Variants in NRXN3 observed in about 807,000 individuals in gnomAD.
NRXN3 encodes the protein neurexin 3.
Under a neutral mutation model 137.6 loss-of-function variants are expected in NRXN3, and 32 were observed. That is an observed-to-expected ratio of 0.23 (90% CI 0.18 to 0.31). The LOEUF (loss-of-function observed/expected upper bound fraction) is 0.31, where lower values mean the gene tolerates loss of function less well. Ranked by LOEUF, NRXN3 falls within the 10% of genes least tolerant of loss-of-function variation. NRXN3 has a pLI of 1.00. For missense variants in NRXN3, 1,574 were observed against 2,062.5 expected, an observed-to-expected ratio of 0.76 and a Z score of 4.59; for synonymous variants, 798 against 784.5, an observed-to-expected ratio of 1.02 and a Z score of -0.29.
chr14:79,762,472 T>G (rs1011415353), intron 19 of NRXN3, among the ~76,000 whole-genome samples: 1 of 151,660 alleles, frequency 6.6e-6, no homozygotes, highest in African/African-American at 2.4e-5. Flanking sequence ...CTTCACTTTT[T>G]TTTTTTCAAT....
Position 78,226,192 on chromosome 14 carries a change from A to T in NRXN3, c.-703-16199A>T, listed in dbSNP as rs150112401. 1.9e-3 allele frequency among the ~76,000 whole-genome samples: 282 copies of T among 152,162 alleles called. 1 individual carries two copies. Among genetic ancestry groups the T allele is most frequent in the African/African-American group, 6.6e-3 (272 of 41,492 alleles). On this transcript the variant is annotated intron_variant, in intron 1 of 20. Transcript: ENST00000335750. ...CTAATTTTTTGTATTTTTAGTAGAG[A>T]TGTGGTTTTACCACGTTAGCCAGGA...
chr14:79,853,770 A>G (rs2099396754), intron 20 of NRXN3: 3 of 1,032,832 alleles, frequency 2.9e-6, no homozygotes, highest in Non-Finnish European at 3.5e-6. Flanking sequence ...TGTCAAAAAG[A>G]CAAAAAAATA....
chr14:79,534,893 C>T (rs1390364867), intron 16 of NRXN3, among the ~76,000 whole-genome samples: 2 of 152,150 alleles, frequency 1.3e-5, no homozygotes, highest in Admixed American at 6.6e-5. Flanking sequence ...GCTGCGCATG[C>T]GTCACACCAT....
chr14:79,740,120 G>A (rs2098955932), intron 19 of NRXN3, among the ~76,000 whole-genome samples: 1 of 152,082 alleles, frequency 6.6e-6, no homozygotes, highest in Non-Finnish European at 1.5e-5. Context: ...TAGCCCCTGA[G>A]CTGAAACCTT....
rs575493357 is a variant in NRXN3 at position 79,024,482 on chromosome 14, A to G, written c.3262+36341A>G. Among the ~76,000 whole-genome samples, 39 of 152,324 alleles carry G rather than the reference A, an allele frequency of 2.6e-4. No individual in the cohort carries two copies. The South Asian group carries it at 7.7e-3, about 30-fold the overall frequency. On this transcript the variant is annotated intron_variant, in intron 15 of 20. Coordinates refer to ENST00000335750, the MANE Select transcript of NRXN3 (RefSeq NM_001330195.2). ...ACATATTCCATACCATGATCCTTAAAGAATACATGCACACACAGAACAGTG... is the reference window on the plus strand; with the variant it reads ...ACATATTCCATACCATGATCCTTAAGGAATACATGCACACACAGAACAGTG...
chr14:78,237,471 T>C (rs1181998196), intron 1 of NRXN3, among the ~76,000 whole-genome samples: 1 of 152,222 alleles, frequency 6.6e-6, no homozygotes, highest in African/African-American at 2.4e-5. Context: ...TCCTCTCCAA[T>C]GGTGGAGATG....
intron 15 of NRXN3, among the ~76,000 whole-genome samples, chr14:79,088,348 A>G (rs1256646840): frequency 1.3e-5 from 2 of 149,464 alleles, no homozygotes; most frequent in Non-Finnish European, 2.9e-5. Flanking sequence ...ACCTCCTGCT[A>G]AAGGTGGTAA....
At position 79,794,582 on chromosome 14, in the gene NRXN3, A is replaced by C. The variant is rs10131219; in HGVS notation, c.4015-10530A>C. 6.3e-3 allele frequency among the ~76,000 whole-genome samples: 959 copies of C among 152,156 alleles called. 10 individuals are homozygous for C. The highest frequency in any genetic ancestry group is 0.022 in the African/African-American group (929 of 41,512). ...AAAGGGAGAGCATGAGCTCCTGGGG[A>C]TGTCAGTGTTCCTACTCAGCCTGTA... On this transcript the variant is annotated intron_variant, in intron 19 of 20. Transcript: ENST00000335750.
At chr14:79,388,367 G>GC (rs917473781) in intron 15 of NRXN3, among the ~76,000 whole-genome samples, 2 of 151,898 alleles carry the variant, frequency 1.3e-5, no homozygotes, top group African/African-American at 4.8e-5. Context: ...TAACACAGTG[G>GC]CTTTTTTTTT....
chr14:79,681,844 A>C (rs1389159873), intron 17 of NRXN3, among the ~76,000 whole-genome samples: 1 of 151,904 alleles, frequency 6.6e-6, no homozygotes, highest in Non-Finnish European at 1.5e-5. Context: ...ACCCTGATTC[A>C]GGTCTCAAGC....
intron 4 of NRXN3, among the ~76,000 whole-genome samples, chr14:78,456,967 C>T (rs1383143593): frequency 2.7e-5 from 4 of 147,142 alleles, no homozygotes; most frequent in Non-Finnish European, 4.5e-5. Context: ...TGCTTCCTTC[C>T]TTCTTCCTTC....
chr14:79,806,232 TTC>T (rs1603546146), intron 20 of NRXN3, among the ~76,000 whole-genome samples: 1 of 152,288 alleles, frequency 6.6e-6, no homozygotes, highest in East Asian at 1.9e-4. Context: ...CCATTAAAAA[TTC>T]TCTTTTGCTA....
chr14:79,388,894 C>T (rs185670779), intron 15 of NRXN3, among the ~76,000 whole-genome samples: 1 of 152,258 alleles, frequency 6.6e-6, no homozygotes, highest in South Asian at 2.1e-4. Flanking sequence ...GTAAGTCTCA[C>T]GAGATCTGGC....
At chr14:78,195,475 C>T (rs2153383087) in intron 1 of NRXN3, among the ~76,000 whole-genome samples, 1 of 152,276 alleles carries the variant, frequency 6.6e-6, no homozygotes, top group East Asian at 1.9e-4. Context: ...ACAATAAACA[C>T]ATAACAATTA....
chr14:78,238,223 G>A (rs1331991787), intron 1 of NRXN3, among the ~76,000 whole-genome samples: 3 of 147,482 alleles, frequency 2.0e-5, no homozygotes, highest in African/African-American at 7.6e-5. Flanking sequence ...CATAAAAAGT[G>A]TGCCGTTCGA....
At chr14:79,342,440 CTG>C (rs1409172036) in intron 15 of NRXN3, among the ~76,000 whole-genome samples, 2 of 151,976 alleles carry the variant, frequency 1.3e-5, no homozygotes, top group Non-Finnish European at 2.9e-5. Flanking sequence ...TTTAGAGACA[CTG>C]TGATTCTCTC....
intron 4 of NRXN3, among the ~76,000 whole-genome samples, chr14:78,466,491 C>T (rs1183631914): frequency 1.3e-5 from 2 of 152,156 alleles, no homozygotes; most frequent in Non-Finnish European, 2.9e-5. Flanking sequence ...GAGAAGTGAG[C>T]TATCTGAAAT....
chr14:79,376,133 ATATATGG>A (rs754259382), intron 15 of NRXN3, among the ~76,000 whole-genome samples: 39 of 146,108 alleles, frequency 2.7e-4, no homozygotes, highest in Non-Finnish European at 4.6e-4. Flanking sequence ...TATATGTATT[ATATATGG>A]TATATGGTAT....
chr14:79,160,500 C>A (rs1354055423), intron 15 of NRXN3, among the ~76,000 whole-genome samples: 1 of 151,944 alleles, frequency 6.6e-6, no homozygotes, highest in East Asian at 1.9e-4. Context: ...ACTCTGAAAT[C>A]TGTCACCATA....
Sources: gnomAD v4.1 joint callset for allele counts (sites outside exome capture counted in the v4.1 genomes callset) on GRCh38, gnomAD v4.1.1 for gene constraint, MANE v1.5 for transcripts, NCBI Gene and HGNC (gene_info 2026-07-23, HGNC 2026-07-21) for gene names.